Variants in SEZ6L observed in about 807,000 individuals in gnomAD.
SEZ6L encodes seizure 6-like protein.
SEZ6L carries 37 observed loss-of-function variants against 106.2 expected under a neutral mutation model. That is an observed-to-expected ratio of 0.35 (90% CI 0.27 to 0.46). SEZ6L has a LOEUF of 0.46. Among genes scored for constraint, SEZ6L ranks in the 20% least tolerant of loss-of-function variants. The pLI is 1.00. For synonymous variants in SEZ6L, 541 were observed against 570.4 expected, an observed-to-expected ratio of 0.95 and a Z score of 0.73; for missense variants, 1,172 against 1,332.8, an observed-to-expected ratio of 0.88 and a Z score of 1.88.
intron 10 of SEZ6L, among the ~76,000 whole-genome samples, chr22:26,346,357 A>G (rs542201541): frequency 6.6e-6 from 1 of 152,324 alleles, no homozygotes; most frequent in South Asian, 2.1e-4. Flanking sequence ...TTATTTTGAT[A>G]GCTAATTATT....
Position 26,370,227 on chromosome 22 carries a change from A to T in SEZ6L, c.2795-3224A>T, listed in dbSNP as rs544819059. 7.2e-5 allele frequency among the ~76,000 whole-genome samples: 11 copies of T among 151,950 alleles called. No homozygotes were observed. In the East Asian group the frequency reaches 2.1e-3, roughly 30 times the overall value. On this transcript the variant is annotated intron_variant, in intron 13 of 16. Coordinates refer to ENST00000248933, the MANE Select transcript of SEZ6L (RefSeq NM_021115.5). ...GAAACCTCGTCTCTACTAAAAATAC[A>T]AAAAAAATTTAGCCGGGTGTGGTGG...
intron 1 of SEZ6L, among the ~76,000 whole-genome samples, chr22:26,217,311 A>G (rs916029110): frequency 6.6e-6 from 1 of 152,152 alleles, no homozygotes; most frequent in African/African-American, 2.4e-5. Context: ...GGAACTTACA[A>G]GACATGCACA....
chr22:26,377,172 G>C (rs1244915407), intron 15 of SEZ6L, among the ~76,000 whole-genome samples: 1 of 152,070 alleles, frequency 6.6e-6, no homozygotes, highest in African/African-American at 2.4e-5. Flanking sequence ...GTGTGGTGGT[G>C]CACGCAGGTA....
rs372864976 is a variant in SEZ6L at position 26,241,763 on chromosome 22, A to C, written c.95-50643A>C. On this transcript the variant is annotated intron_variant, in intron 1 of 16. Coordinates refer to ENST00000248933, the MANE Select transcript of SEZ6L (RefSeq NM_021115.5). The stretch of plus-strand genomic sequence containing the variant: ...TTAAATATAGCTTTTGGGCTCTCAG[A>C]TTCCCATCTTATCTTAGGAGGAGCC... 2.0e-5 allele frequency among the ~76,000 whole-genome samples: 3 copies of C among 152,162 alleles called. No individual in the cohort carries two copies. In the East Asian group the frequency reaches 5.8e-4, roughly 29 times the overall value.
intron 2 of SEZ6L, among the ~76,000 whole-genome samples, chr22:26,293,762 G>A (rs1449797931): frequency 1.3e-5 from 2 of 152,206 alleles, no homozygotes; most frequent in Non-Finnish European, 2.9e-5. Context: ...CTGCTTCAAA[G>A]CCACTAGCCT....
At chr22:26,350,585 C>G (rs187700406) in intron 11 of SEZ6L, among the ~76,000 whole-genome samples, 3 of 151,978 alleles carry the variant, frequency 2.0e-5, no homozygotes, top group East Asian at 3.9e-4. Context: ...TTTCTCCTGG[C>G]CTATTCTCCA....
At chr22:26,265,143 C>T (rs1056738750) in intron 1 of SEZ6L, among the ~76,000 whole-genome samples, 24 of 152,140 alleles carry the variant, frequency 1.6e-4, no homozygotes, top group African/African-American at 5.8e-4. Context: ...AAGCTCCTCC[C>T]TGTGGCTGGG....
At chr22:26,235,348 T>C (rs769980364) in intron 1 of SEZ6L, among the ~76,000 whole-genome samples, 1 of 152,226 alleles carries the variant, frequency 6.6e-6, no homozygotes, top group Non-Finnish European at 1.5e-5. Flanking sequence ...TATCCATGTA[T>C]TTATTCATCT....
chr22:26,249,351 C>T (rs2079486109), intron 1 of SEZ6L, among the ~76,000 whole-genome samples: 1 of 152,204 alleles, frequency 6.6e-6, no homozygotes, highest in Non-Finnish European at 1.5e-5. Context: ...CTAGTAACCA[C>T]TATTTCACTC....
intron 6 of SEZ6L, 107 bp from the exon 7 acceptor site, chr22:26,310,563 G>A: frequency 4.1e-6 from 5 of 1,234,218 alleles, no homozygotes; most frequent in Non-Finnish European, 5.7e-6. Flanking sequence ...TTAGGTTTGG[G>A]ATCCGGTAAT....
At chr22:26,230,002 G>A (rs1396478927) in intron 1 of SEZ6L, among the ~76,000 whole-genome samples, 6 of 152,170 alleles carry the variant, frequency 3.9e-5, no homozygotes, top group East Asian at 1.9e-4. Flanking sequence ...CATCATGTTC[G>A]TCAATAATCT....
intron 9 of SEZ6L, among the ~76,000 whole-genome samples, chr22:26,320,598 G>A (rs979645364): frequency 6.6e-6 from 1 of 152,234 alleles, no homozygotes; most frequent in African/African-American, 2.4e-5. Flanking sequence ...GGCCCTGGCA[G>A]TGAGCAAGAC....
Position 26,351,077 on chromosome 22 carries a change from G to C in SEZ6L, c.2433G>C (p.Glu811Asp). The change falls in exon 12 of 17, where the codon GAG becomes GAC. Residue 811 changes from glutamate to aspartate, a missense_variant. This residue lies in a region of SEZ6L where 534 missense variants were observed against 691.0 expected (regional missense o/e 0.77). Transcript: ENST00000248933. ...EKIMYCTDPG[E>D]VDHSTRLISD... ...TTATGTACTGCACCGACCCCGGAGA[G>C]GTGGATCACTCGACCCGCTTAATTT... 6.2e-7 allele frequency: 1 copy of C among 1,614,162 alleles called. No individual in the cohort carries two copies. The highest frequency in any genetic ancestry group is 8.5e-7 in the Non-Finnish European group (1 of 1,180,042).
At chr22:26,231,406 TCAGTGTCTGAGCCCTGCCTC>T (rs2078794419) in intron 1 of SEZ6L, among the ~76,000 whole-genome samples, 1 of 152,154 alleles carries the variant, frequency 6.6e-6, no homozygotes, top group African/African-American at 2.4e-5. Flanking sequence ...TCAATTTGGT[TCAGTGTCTGAGCCCTGCCTC>T]CAGTGTCTAG....
chr22:26,236,108 G>A lies in SEZ6L; in HGVS notation c.95-56298G>A, dbSNP rs6004969. Among the ~76,000 whole-genome samples, 405 of 152,134 alleles carry A rather than the reference G, an allele frequency of 2.7e-3. 2 individuals carry two copies. The highest frequency in any genetic ancestry group is 9.5e-3 in the African/African-American group (392 of 41,480). ...CTGTGCCCACAAAAGCCTCCTTCCC[G>A]TCCACCAGTTTCCCAGCCATGACTG... On this transcript the variant is annotated intron_variant, in intron 1 of 16. Transcript: ENST00000248933.
At chr22:26,214,496 G>A (rs1455419743) in intron 1 of SEZ6L, among the ~76,000 whole-genome samples, 3 of 152,116 alleles carry the variant, frequency 2.0e-5, no homozygotes, top group Non-Finnish European at 2.9e-5. Context: ...GGAAGAAGAG[G>A]GAAGAAAAAA....
At position 26,169,771 on chromosome 22, in the gene SEZ6L, C is replaced by G; in HGVS notation, c.94+8C>G. On this transcript the variant is annotated splice_region_variant and intron_variant, in intron 1 of 16. Transcript: ENST00000248933. ...CGGCAGCGCTGGAGCGAGGTAAGCGCCCCGAGGGGCGGGGCGGGCAGGGGG... is the reference window on the plus strand; with the variant it reads ...CGGCAGCGCTGGAGCGAGGTAAGCGGCCCGAGGGGCGGGGCGGGCAGGGGG... 8.1e-7 allele frequency: 1 copy of G among 1,240,562 alleles called. No individual in the cohort carries two copies. Among genetic ancestry groups the G allele is most frequent in the Non-Finnish European group, 1.0e-6 (1 of 990,102 alleles). The allele number at this position is 1,240,562 out of a possible 1,614,324, so 76.8% of individuals were successfully genotyped here.
At chr22:26,240,693 T>C (rs1401555035) in intron 1 of SEZ6L, among the ~76,000 whole-genome samples, 2 of 152,194 alleles carry the variant, frequency 1.3e-5, no homozygotes, top group Admixed American at 1.3e-4. Context: ...TGCCAGGTAC[T>C]GTTCTAGGCG....
intron 13 of SEZ6L, among the ~76,000 whole-genome samples, chr22:26,371,005 CA>C (rs59911432): frequency 0.038 from 4,206 of 109,970 alleles, 91 homozygotes; most frequent in African/African-American, 0.091. Context: ...CCCTGTATCA[CA>C]AAAAAAAAAA....
Sources: allele counts gnomAD v4.1 joint callset (sites outside exome capture counted in the v4.1 genomes callset), GRCh38; gene constraint gnomAD v4.1.1; regional missense constraint gnomAD v4.1.1; transcripts MANE v1.5; gene names NCBI Gene and HGNC (gene_info 2026-07-23, HGNC 2026-07-21).